The following DPRX variants were observed in gnomAD, a reference collection of about 807,000 sequenced individuals.
DPRX encodes the protein divergent paired-related homeobox.
In DPRX, 11 loss-of-function variants were observed where a neutral mutation model predicts 8.4. The observed-to-expected ratio is 1.31, with a 90% CI of 0.82 to 2.17. DPRX has a LOEUF of 2.17. Ranked by LOEUF, DPRX falls within the 30% of genes most tolerant of loss-of-function variation. The probability of loss-of-function intolerance (pLI) is 0.00; values close to 1 mark genes in which losing one functional copy is unlikely to be tolerated. For missense variants in DPRX, 211 were observed against 236.7 expected (o/e 0.89, Z 0.71); for synonymous variants, 72 against 87.0 (o/e 0.83, Z 0.96).
At chr19:53,615,816 T>C in the DPRX span, among the ~76,000 whole-genome samples, 1 of 152,116 alleles carries the variant, frequency 6.6e-6, no homozygotes, top group Non-Finnish European at 1.5e-5. Flanking sequence ...TAAGAGGTGT[T>C]TCCTGGCTGG....
the DPRX span, chr19:53,602,312 GCCA>G: frequency 9.5e-6 from 3 of 316,110 alleles, no homozygotes; most frequent in Admixed American, 4.1e-5. Flanking sequence ...GTGTGTGTGT[GCCA>G]GCCTCCCAAG....
chr19:53,607,160 C>G, the DPRX span: 1 of 152,528 alleles, frequency 6.6e-6, no homozygotes, highest in African/African-American at 2.4e-5. Flanking sequence ...GCCCGGGGCC[C>G]CCACTGCCAT....
the DPRX span, chr19:53,603,593 A>G: frequency 2.9e-6 from 1 of 340,158 alleles, no homozygotes; most frequent in East Asian, 7.6e-5. Context: ...GTCCCTGTTC[A>G]TCCAACATCA....
At chr19:53,624,176 C>T in the DPRX span, among the ~76,000 whole-genome samples, 3 of 142,298 alleles carry the variant, frequency 2.1e-5, no homozygotes, top group South Asian at 2.3e-4. Context: ...CAACCTCTGC[C>T]TCCCAGGTTC....
At chr19:53,604,309 C>T in the DPRX span, 1 of 152,696 alleles carries the variant, frequency 6.5e-6, no homozygotes, top group Admixed American at 6.6e-5. Context: ...CCTCCCACTC[C>T]TGTATGTGTA....
upstream of DPRX, among the ~76,000 whole-genome samples, chr19:53,627,475 T>C (rs986272756): frequency 6.7e-6 from 1 of 148,514 alleles, no homozygotes; most frequent in African/African-American, 2.5e-5. Context: ...TCACTCTTAT[T>C]GCCCAGGCTG....
the DPRX span, among the ~76,000 whole-genome samples, chr19:53,615,940 A>AT: frequency 6.6e-6 from 1 of 151,820 alleles, no homozygotes; most frequent in Non-Finnish European, 1.5e-5. Flanking sequence ...CTTGTCTCCA[A>AT]TTTTTTTAAA....
upstream of DPRX, among the ~76,000 whole-genome samples, chr19:53,631,671 A>G (rs938023369): frequency 2.6e-5 from 4 of 151,962 alleles, no homozygotes; most frequent in African/African-American, 9.7e-5. Context: ...GAGACATGAG[A>G]ATCCCTTGAA....
chr19:53,617,445 C>A, the DPRX span, among the ~76,000 whole-genome samples: 1 of 151,572 alleles, frequency 6.6e-6, no homozygotes, highest in East Asian at 2.0e-4. Flanking sequence ...GTAATCCCAG[C>A]TACTCGGGAG....
chr19:53,607,900 C>G, the DPRX span, among the ~76,000 whole-genome samples: 1 of 145,096 alleles, frequency 6.9e-6, no homozygotes, highest in Non-Finnish European at 1.5e-5. Flanking sequence ...AGGCCAGGCA[C>G]AGTGGGTCAC....
At chr19:53,624,845 G>A in the DPRX span, among the ~76,000 whole-genome samples, 33,708 of 123,560 alleles carry the variant, frequency 0.27, 5,332 homozygotes, top group Admixed American at 0.35. Context: ...AAAAAAAAAA[G>A]AAAGAAAGAA....
At chr19:53,615,862 G>A in the DPRX span, among the ~76,000 whole-genome samples, 1 of 151,914 alleles carries the variant, frequency 6.6e-6, no homozygotes. Flanking sequence ...TAGCACTTTG[G>A]GAGGCCAAGG....
At chr19:53,622,432 C>T in the DPRX span, among the ~76,000 whole-genome samples, 2 of 151,952 alleles carry the variant, frequency 1.3e-5, no homozygotes, top group Non-Finnish European at 2.9e-5. Context: ...AGCCCAGAAG[C>T]GTAAGATCAG....
At chr19:53,609,540 A>C in the DPRX span, among the ~76,000 whole-genome samples, 1 of 150,738 alleles carries the variant, frequency 6.6e-6, no homozygotes, top group African/African-American at 2.4e-5. Context: ...ATATAGAGCA[A>C]TGGTACAGTA....
intron 1 of DPRX, among the ~76,000 whole-genome samples, chr19:53,633,915 A>T (rs2091102373): frequency 6.6e-6 from 1 of 152,080 alleles, no homozygotes; most frequent in Admixed American, 6.6e-5. Context: ...AAGTGCTGGG[A>T]TTACAGGCGT....
At chr19:53,627,138 AC>A (rs1449573051), upstream of DPRX, among the ~76,000 whole-genome samples, 1 of 152,080 alleles carries the variant, frequency 6.6e-6, no homozygotes, top group Non-Finnish European at 1.5e-5. Context: ...CTTAGACTCC[AC>A]CCGCAGAGAT....
At chr19:53,619,332 A>C in the DPRX span, among the ~76,000 whole-genome samples, 3 of 151,908 alleles carry the variant, frequency 2.0e-5, no homozygotes, top group Non-Finnish European at 2.9e-5. Context: ...CAAGGTCGGG[A>C]GTTTGAGACC....
chr19:53,624,650 A>T, the DPRX span, among the ~76,000 whole-genome samples: 4 of 151,588 alleles, frequency 2.6e-5, no homozygotes, highest in Non-Finnish European at 5.9e-5. Flanking sequence ...CCTGGCCACA[A>T]GTGATCCACC....
At chr19:53,626,657 C>T in the DPRX span, among the ~76,000 whole-genome samples, 3 of 152,128 alleles carry the variant, frequency 2.0e-5, no homozygotes, top group African/African-American at 4.8e-5. Flanking sequence ...ACTGGTCTTC[C>T]GGTTTGGCAA....
Sources: gnomAD v4.1 joint callset for allele counts (sites outside exome capture counted in the v4.1 genomes callset) on GRCh38, gnomAD v4.1.1 for gene constraint, MANE v1.5 for transcripts, NCBI Gene and HGNC (gene_info 2026-07-23, HGNC 2026-07-21) for gene names.